Variants in MRTFB observed in about 807,000 individuals in gnomAD.
MRTFB encodes myocardin-related transcription factor B.
MRTFB carries 29 observed loss-of-function variants against 104.2 expected under a neutral mutation model. The ratio of observed to expected loss-of-function variants is 0.28; its 90% CI spans 0.21 to 0.38. The LOEUF (loss-of-function observed/expected upper bound fraction) is 0.38. Ranked by LOEUF, MRTFB falls within the 10% of genes least tolerant of loss-of-function variation. The pLI is 1.00. For synonymous variants in MRTFB, 535 were observed against 519.5 expected (o/e 1.03, Z -0.41); for missense variants, 1,270 against 1,341.6 (o/e 0.95, Z 0.83).
At chr16:14,186,726 G>T in intron 3 of MRTFB, 4 of 1,430,734 alleles carry the variant, frequency 2.8e-6, no homozygotes, top group Non-Finnish European at 3.6e-6. Context: ...TGTATTTGCA[G>T]GTCAAGCTGG....
At chr16:14,252,620 A>C in intron 15 of MRTFB, 118 bp downstream of exon 15, 1 of 1,202,264 alleles carries the variant, frequency 8.3e-7, no homozygotes, top group Non-Finnish European at 1.1e-6. Context: ...AGAAATACAA[A>C]AATAACCTTG....
chr16:14,244,515 C>T (rs1017252269), intron 10 of MRTFB, among the ~76,000 whole-genome samples: 2 of 152,202 alleles, frequency 1.3e-5, no homozygotes, highest in Admixed American at 6.5e-5. Context: ...AAAGTAGTTG[C>T]ATCATTCACA....
chr16:14,092,092 G>A (rs561671948), intron 2 of MRTFB, among the ~76,000 whole-genome samples: 1 of 151,846 alleles, frequency 6.6e-6, no homozygotes, highest in South Asian at 2.1e-4. Context: ...AAGGTTCAGG[G>A]ATATGCAAGC....
intron 2 of MRTFB, among the ~76,000 whole-genome samples, chr16:14,102,991 G>C (rs1223955679): frequency 2.6e-5 from 4 of 152,160 alleles, no homozygotes. Flanking sequence ...CCTTTGCCAG[G>C]AGTGCCCTCT....
chr16:14,248,505 C>T (rs112830442), intron 12 of MRTFB: 1,667 of 153,608 alleles, frequency 0.011, 37 homozygotes, highest in African/African-American at 0.038. Context: ...GGTCTGAGGG[C>T]GCCCTGGCCC....
intron 3 of MRTFB, among the ~76,000 whole-genome samples, chr16:14,150,201 A>G (rs1426777335): frequency 6.6e-6 from 1 of 152,248 alleles, no homozygotes; most frequent in Non-Finnish European, 1.5e-5. Context: ...CCTTATCTGC[A>G]AAGTGGGGAT....
intron 3 of MRTFB, among the ~76,000 whole-genome samples, chr16:14,155,561 TAAAG>T (rs1199059946): frequency 2.0e-5 from 3 of 152,216 alleles, no homozygotes; most frequent in Non-Finnish European, 2.9e-5. Context: ...TGTCTTCAGT[TAAAG>T]AAAGTTGGGC....
chr16:14,193,229 A>G (rs895955550), intron 3 of MRTFB, among the ~76,000 whole-genome samples: 4 of 151,252 alleles, frequency 2.6e-5, no homozygotes, highest in African/African-American at 4.9e-5. Context: ...AAAAAAAAAA[A>G]AAAAAAAAAA....
chr16:14,060,995 AC>A, the MRTFB span, among the ~76,000 whole-genome samples: 1 of 151,950 alleles, frequency 6.6e-6, no homozygotes. Flanking sequence ...AAATACAAAA[AC>A]TTAGCCAGGT....
intron 15 of MRTFB, 91 bp from the exon 16 acceptor site, chr16:14,258,010 A>G: frequency 9.1e-7 from 1 of 1,095,994 alleles, no homozygotes; most frequent in South Asian, 1.4e-5. Flanking sequence ...ATTAGAACTA[A>G]ATCATCTAGA....
At chr16:14,190,025 C>T (rs575426209) in intron 3 of MRTFB, among the ~76,000 whole-genome samples, 2 of 152,340 alleles carry the variant, frequency 1.3e-5, no homozygotes, top group East Asian at 1.9e-4. Flanking sequence ...AAAGTTCTAA[C>T]TGCTGACCAC....
At chr16:14,020,826 C>G in the MRTFB span, 12 of 152,404 alleles carry the variant, frequency 7.9e-5, no homozygotes, top group East Asian at 9.6e-4. Flanking sequence ...GGATCCTCCT[C>G]TGTTTGGAAC....
chr16:14,170,765 G>T (rs1213808618), intron 3 of MRTFB, among the ~76,000 whole-genome samples: 2 of 152,034 alleles, frequency 1.3e-5, no homozygotes, highest in African/African-American at 4.8e-5. Flanking sequence ...ATTTCCATTT[G>T]CATTCTAGAA....
intron 3 of MRTFB, among the ~76,000 whole-genome samples, chr16:14,155,815 G>A (rs907792020): frequency 1.2e-4 from 19 of 152,126 alleles, no homozygotes; most frequent in Admixed American, 1.2e-3. Flanking sequence ...GTCATTTCTT[G>A]CCCAAACTTG....
intron 3 of MRTFB, among the ~76,000 whole-genome samples, chr16:14,184,520 T>C (rs542261253): frequency 1.3e-5 from 2 of 152,200 alleles, no homozygotes; most frequent in African/African-American, 4.8e-5. Flanking sequence ...CCACTGATTT[T>C]TTTAAGCCTC....
At position 14,177,298 on chromosome 16, in the gene MRTFB, T is replaced by C. The variant is rs117540996; in HGVS notation, c.155-32945T>C. On this transcript the variant is annotated intron_variant, in intron 3 of 16. Transcript: ENST00000571589. The surrounding 1 kb of genome is among the most constrained non-coding windows in gnomAD (Gnocchi z 4.7). ...CATTTGTTTATTCATAGAGGCAGCATTAATTAAGCAGGCATAGTATCCAAG... is the reference window on the plus strand; with the variant it reads ...CATTTGTTTATTCATAGAGGCAGCACTAATTAAGCAGGCATAGTATCCAAG... Among the ~76,000 whole-genome samples the C allele has an allele frequency of 2.4e-4, 36 of 152,260 alleles. No individual in the cohort carries two copies. In the East Asian group the frequency reaches 6.4e-3, roughly 27 times the overall value.
intron 8 of MRTFB, 24 bp downstream of exon 8, chr16:14,219,022 C>G: frequency 6.4e-7 from 1 of 1,550,798 alleles, no homozygotes; most frequent in Non-Finnish European, 8.7e-7. Context: ...GGTTTTGACC[C>G]CTAAAGAAAG....
At chr16:14,172,289 AT>A (rs1200268442) in intron 3 of MRTFB, among the ~76,000 whole-genome samples, 1 of 152,170 alleles carries the variant, frequency 6.6e-6, no homozygotes, top group African/African-American at 2.4e-5. Context: ...GAAATAACAT[AT>A]TGACACTATT....
the MRTFB span, among the ~76,000 whole-genome samples, chr16:14,014,429 G>A: frequency 1.3e-5 from 2 of 152,118 alleles, no homozygotes; most frequent in African/African-American, 4.8e-5. Flanking sequence ...GGTGGCACAC[G>A]CCTACAGTCC....
Sources: allele counts gnomAD v4.1 joint callset (sites outside exome capture counted in the v4.1 genomes callset), GRCh38; gene constraint gnomAD v4.1.1; non-coding constraint Gnocchi (gnomAD v3.1); transcripts MANE v1.5; gene names NCBI Gene and HGNC (gene_info 2026-07-23, HGNC 2026-07-21).